KCNMA1: variants seen among roughly 807,000 people sequenced by gnomAD.
KCNMA1 encodes potassium calcium-activated channel subfamily M alpha 1, also known as Calcium-activated potassium channel subunit alpha-1.
In KCNMA1, 29 loss-of-function variants were observed where a neutral mutation model predicts 140.0. The observed-to-expected ratio is 0.21, with a 90% CI of 0.15 to 0.28. KCNMA1 has a LOEUF of 0.28. KCNMA1 is among the 10% of genes least tolerant of loss of function. The probability of loss-of-function intolerance (pLI) is 1.00; values close to 1 mark genes in which losing one functional copy is unlikely to be tolerated. For synonymous variants in KCNMA1, 612 were observed against 611.9 expected, an observed-to-expected ratio of 1.00 and a Z score of 0.00; for missense variants, 880 against 1,602.2, an observed-to-expected ratio of 0.55 and a Z score of 7.70.
intron 1 of KCNMA1, among the ~76,000 whole-genome samples, chr10:77,536,181 TA>T (rs2058843389): frequency 1.3e-5 from 2 of 152,192 alleles, no homozygotes; most frequent in Admixed American, 1.3e-4. Context: ...TATGTATCCA[TA>T]AAAATTAAGA....
intron 1 of KCNMA1, among the ~76,000 whole-genome samples, chr10:77,585,382 T>C (rs912962872): frequency 6.6e-6 from 1 of 152,236 alleles, no homozygotes; most frequent in Non-Finnish European, 1.5e-5. Flanking sequence ...CGCAGTTGTA[T>C]GAATTAATAT....
chr10:77,537,147 A>T (rs1241229385), intron 1 of KCNMA1, among the ~76,000 whole-genome samples: 1 of 152,226 alleles, frequency 6.6e-6, no homozygotes, highest in Non-Finnish European at 1.5e-5. Flanking sequence ...CCCAGGACAG[A>T]CAGGAACTGT....
chr10:77,441,817 T>C (rs1031443614), intron 1 of KCNMA1, among the ~76,000 whole-genome samples: 3 of 152,126 alleles, frequency 2.0e-5, no homozygotes, highest in African/African-American at 4.8e-5. Flanking sequence ...AATAGAAGCA[T>C]TGGACAATAG....
chr10:77,292,515 A>C (rs970063909), intron 2 of KCNMA1, among the ~76,000 whole-genome samples: 4 of 152,228 alleles, frequency 2.6e-5, no homozygotes, highest in African/African-American at 9.6e-5. Flanking sequence ...GGCCAGTGGA[A>C]GCACTGGGCA....
chr10:77,374,359 A>C (rs908228504), intron 2 of KCNMA1, among the ~76,000 whole-genome samples: 13 of 152,234 alleles, frequency 8.5e-5, no homozygotes, highest in African/African-American at 3.1e-4. Context: ...CCAAATATTT[A>C]ACAACCAGAA....
At chr10:77,631,290 C>T (rs1040833056) in intron 1 of KCNMA1, among the ~76,000 whole-genome samples, 2 of 152,106 alleles carry the variant, frequency 1.3e-5, no homozygotes, top group Non-Finnish European at 1.5e-5. Flanking sequence ...CGTGGGGTTC[C>T]ACCCACCCAA....
intron 5 of KCNMA1, among the ~76,000 whole-genome samples, chr10:77,153,486 C>T (rs1358541178): frequency 1.3e-5 from 2 of 152,150 alleles, no homozygotes; most frequent in Non-Finnish European, 2.9e-5. Context: ...ATCCTTTCAC[C>T]TCAGCGTCCT....
intron 3 of KCNMA1, among the ~76,000 whole-genome samples, chr10:77,220,620 T>C (rs370899786): frequency 6.6e-6 from 1 of 152,230 alleles, no homozygotes; most frequent in East Asian, 1.9e-4. Flanking sequence ...GGGTCTTTTC[T>C]AGACAAAAGG....
intron 5 of KCNMA1, among the ~76,000 whole-genome samples, chr10:77,135,740 A>G (rs1243421541): frequency 1.3e-5 from 2 of 152,248 alleles, no homozygotes; most frequent in Non-Finnish European, 2.9e-5. Context: ...CATGCACAGA[A>G]TGACAAACAT....
At chr10:77,113,936 C>T (rs1302547309) in intron 6 of KCNMA1, among the ~76,000 whole-genome samples, 1 of 152,156 alleles carries the variant, frequency 6.6e-6, no homozygotes, top group Non-Finnish European at 1.5e-5. Flanking sequence ...TCATGTTGTA[C>T]ATTAGACCTC....
intron 2 of KCNMA1, among the ~76,000 whole-genome samples, chr10:77,335,613 C>T (rs1434207559): frequency 6.6e-6 from 1 of 152,160 alleles, no homozygotes; most frequent in Non-Finnish European, 1.5e-5. Flanking sequence ...AACTGCTGGG[C>T]TGGGGTGCAG....
At chr10:77,123,039 G>A (rs1167558824) in intron 5 of KCNMA1, among the ~76,000 whole-genome samples, 1 of 151,352 alleles carries the variant, frequency 6.6e-6, no homozygotes, top group Non-Finnish European at 1.5e-5. Flanking sequence ...AATTAGCCGG[G>A]CGTGGTGGCG....
intron 16 of KCNMA1, among the ~76,000 whole-genome samples, chr10:77,022,301 A>G (rs2092951103): frequency 6.6e-6 from 1 of 152,230 alleles, no homozygotes; most frequent in South Asian, 2.1e-4. Flanking sequence ...AGAATCAGGA[A>G]AATCTCTAAG....
rs548501127 is a variant in KCNMA1 at position 76,975,572 on chromosome 10, C to T, written c.2267-5505G>A. ...GTGGTGGGGAATGCCATGTGTCCAT[C>T]GACGAGGCTGAGCTATTAAGCACAG... On this transcript the variant is annotated intron_variant, in intron 19 of 27. Coordinates refer to ENST00000286628, the MANE Select transcript of KCNMA1 (RefSeq NM_001161352.2). Among the ~76,000 whole-genome samples, 27 of 152,284 alleles carry T rather than the reference C, an allele frequency of 1.8e-4. 1 individual carries two copies. The South Asian group carries it at 5.0e-3, about 28-fold the overall frequency.
chr10:77,064,807 T>G (rs2095870222), intron 14 of KCNMA1, among the ~76,000 whole-genome samples: 1 of 152,218 alleles, frequency 6.6e-6, no homozygotes, highest in Non-Finnish European at 1.5e-5. Context: ...TTTCAATTCA[T>G]GGGTGTTTAT....
intron 2 of KCNMA1, among the ~76,000 whole-genome samples, chr10:77,316,913 A>G (rs2081043380): frequency 6.6e-6 from 1 of 152,198 alleles, no homozygotes; most frequent in Non-Finnish European, 1.5e-5. Context: ...CCAGATATGC[A>G]TTCTAGCTCT....
At chr10:77,353,878 C>T (rs2093178278) in intron 2 of KCNMA1, among the ~76,000 whole-genome samples, 1 of 150,916 alleles carries the variant, frequency 6.6e-6, no homozygotes, top group Admixed American at 6.7e-5. Context: ...AACGCAGGCA[C>T]AGTTGGTGAA....
intron 2 of KCNMA1, among the ~76,000 whole-genome samples, chr10:77,379,923 C>T (rs57598565): frequency 0.04 from 6,095 of 152,232 alleles, 388 homozygotes; most frequent in African/African-American, 0.14. Context: ...AGTTTCCTCC[C>T]CTATGGGCTC....
At chr10:77,394,233 C>G (rs1435672215) in intron 2 of KCNMA1, among the ~76,000 whole-genome samples, 1 of 152,240 alleles carries the variant, frequency 6.6e-6, no homozygotes, top group Non-Finnish European at 1.5e-5. Context: ...CTCTTCCTCA[C>G]TCTGGAGCCA....
Sources: gnomAD v4.1 joint callset for allele counts (sites outside exome capture counted in the v4.1 genomes callset) on GRCh38, gnomAD v4.1.1 for gene constraint, MANE v1.5 for transcripts, NCBI Gene and HGNC (gene_info 2026-07-23, HGNC 2026-07-21) for gene names.